The following SPINK5 variants were observed in gnomAD, a reference collection of about 807,000 sequenced individuals.
The protein encoded by SPINK5 is serine peptidase inhibitor Kazal type 5.
In SPINK5, 125 loss-of-function variants were observed where a neutral mutation model predicts 151.8. That is an observed-to-expected ratio of 0.82 (90% CI 0.71 to 0.96). The LOEUF is 0.96. Among genes scored for constraint, SPINK5 ranks in the 40% least tolerant of loss-of-function variants. The pLI, the probability that SPINK5 is intolerant of heterozygous loss-of-function variation, is 0.00. For missense variants in SPINK5, 1,194 were observed against 1,291.9 expected, an observed-to-expected ratio of 0.92 and a Z score of 1.16; for synonymous variants, 374 against 395.3, an observed-to-expected ratio of 0.95 and a Z score of 0.64.
chr5:148,081,988 CT>C (rs1159831043), intron 4 of SPINK5, among the ~76,000 whole-genome samples: 1 of 151,512 alleles, frequency 6.6e-6, no homozygotes, highest in Non-Finnish European at 1.5e-5. Flanking sequence ...ATGTAGTTAT[CT>C]TATACTTTTT....
chr5:148,123,526 T>C lies in SPINK5; in HGVS notation c.2539-307T>C, dbSNP rs1754345182. ...TGCAGTGGTGCAATATATGTGTATA[T>C]ATATATATATATATATATATATATA... On this transcript the variant is annotated intron_variant, in intron 26 of 32. Coordinates refer to ENST00000256084, the MANE Select transcript of SPINK5 (RefSeq NM_006846.4). Among the ~76,000 whole-genome samples, 4 of 26,258 alleles carry C rather than the reference T, an allele frequency of 1.5e-4. 1 individual carries two copies. Among genetic ancestry groups the C allele is most frequent in the African/African-American group, 3.6e-4 (4 of 10,984 alleles). The allele number at this position is 26,258 out of a possible 152,430, so 17.2% of individuals were successfully genotyped here. A position where few individuals can be genotyped will look rare whatever the true frequency, so the allele number is the denominator to read the frequency against.
intron 27 of SPINK5, among the ~76,000 whole-genome samples, chr5:148,124,256 G>A (rs541755590): frequency 6.6e-6 from 1 of 152,262 alleles, no homozygotes; most frequent in South Asian, 2.1e-4. Context: ...AAAAATGACT[G>A]AACAATATAG....
At chr5:148,069,162 T>C (rs1021984476) in intron 2 of SPINK5, among the ~76,000 whole-genome samples, 1 of 151,996 alleles carries the variant, frequency 6.6e-6, no homozygotes, top group Non-Finnish European at 1.5e-5. Flanking sequence ...TTTAAAATCA[T>C]ACTTTACTAG....
intron 32 of SPINK5, among the ~76,000 whole-genome samples, chr5:148,135,140 A>C (rs952312154): frequency 5.9e-5 from 9 of 152,168 alleles, no homozygotes; most frequent in African/African-American, 1.2e-4. Flanking sequence ...GTTCTTTACC[A>C]GGATCCATAA....
intron 4 of SPINK5, among the ~76,000 whole-genome samples, chr5:148,076,647 A>C (rs568034568): frequency 6.6e-6 from 1 of 151,738 alleles, no homozygotes; most frequent in Non-Finnish European, 1.5e-5. Context: ...TGGCAGACAA[A>C]GACTTGAAGC....
At position 148,065,334 on chromosome 5, in the gene SPINK5, A is replaced by G; in HGVS notation, c.56-13A>G. 6.2e-7 allele frequency: 1 copy of G among 1,612,864 alleles called. No homozygotes were observed. The highest frequency in any genetic ancestry group is 1.1e-5 in the South Asian group (1 of 91,050). ...ACATTTCCTTAACTTTGGTTTCTAT[A>G]TTTTCATCCCAGATGCTGCCAGTAA... is the stretch of plus-strand genomic sequence containing the variant. On this transcript the variant is annotated splice_polypyrimidine_tract_variant and intron_variant, in intron 1 of 32. Transcript: ENST00000256084.
rs1305351107 is a variant in SPINK5, at chr5:148,091,225, A to C, written c.663A>C (p.Glu221Asp). 6.2e-7 allele frequency: 1 copy of C among 1,611,190 alleles called. No individual in the cohort carries two copies. Among genetic ancestry groups the C allele is most frequent in the South Asian group, 1.1e-5 (1 of 90,982 alleles). The change falls in exon 8 of 33, where the codon GAA becomes GAC. Residue 221 changes from glutamate to aspartate, a missense_variant. By Grantham distance (45) the Glu-to-Asp change is conservative (BLOSUM62 2). Transcript: ENST00000256084. ...AAACTAGAATTCGACGAAATGCTGA[A>C]AAGGTAAAATGACTCACCAACGCAA... ...EGETRIRRNA[E>D]KDFCKEYEKQ...
chr5:148,087,023 A>G (rs1158440401), intron 5 of SPINK5, among the ~76,000 whole-genome samples: 2 of 151,388 alleles, frequency 1.3e-5, no homozygotes, highest in African/African-American at 4.8e-5. Flanking sequence ...TCTATCTTCT[A>G]TCTATCCATC....
At chr5:148,082,286 T>C (rs943348309) in intron 4 of SPINK5, among the ~76,000 whole-genome samples, 1 of 151,348 alleles carries the variant, frequency 6.6e-6, no homozygotes, top group Non-Finnish European at 1.5e-5. Context: ...TACTTTATTC[T>C]TTAAATTTAA....
intron 21 of SPINK5, 120 bp downstream of exon 21, chr5:148,114,609 TG>T (rs1447090099): frequency 1.5e-5 from 22 of 1,421,232 alleles, no homozygotes; most frequent in Non-Finnish European, 2.1e-5. Flanking sequence ...GAAGGTTATC[TG>T]TAAAGCATTT....
chr5:148,078,263 C>A (rs1752934861), intron 4 of SPINK5, among the ~76,000 whole-genome samples: 1 of 150,722 alleles, frequency 6.6e-6, no homozygotes, highest in African/African-American at 2.4e-5. Context: ...GTATACACAC[C>A]TAATAGAGGC....
chr5:148,100,987 T>A (rs1753626995), intron 13 of SPINK5, among the ~76,000 whole-genome samples: 1 of 152,130 alleles, frequency 6.6e-6, no homozygotes, highest in Admixed American at 6.6e-5. Context: ...ATTCCAAGGA[T>A]GATATCAGTA....
intron 2 of SPINK5, among the ~76,000 whole-genome samples, chr5:148,066,294 TACTC>T (rs1054136122): frequency 3.3e-5 from 5 of 152,228 alleles, no homozygotes; most frequent in East Asian, 1.9e-4. Flanking sequence ...GATGACCAAT[TACTC>T]ACACACACAC....
chr5:148,135,509 C>T (rs1480866521), intron 32 of SPINK5, among the ~76,000 whole-genome samples: 1 of 152,214 alleles, frequency 6.6e-6, no homozygotes, highest in East Asian at 1.9e-4. Context: ...TCTTCCATTT[C>T]TGAGTGTATG....
chr5:148,114,393 A>C lies in SPINK5; in HGVS notation c.1919A>C (p.Gln640Pro), dbSNP rs1754030459. 5.0e-6 allele frequency: 8 copies of C among 1,613,284 alleles called. No individual in the cohort carries two copies. In the Middle Eastern group the frequency reaches 5.0e-4, roughly 100 times the overall value. The change falls in exon 21 of 33, where the codon CAA (glutamine) becomes CCA (proline). Residue 640 changes from glutamine to proline, a missense_variant. Transcript: ENST00000256084. Reference sequence around the variant, plus strand: ...TGCGATGAATTTCGGAGACTTTTGCAAAATGGAAAACTTTTCTGCACAAGA... The same window carrying C: ...TGCGATGAATTTCGGAGACTTTTGCCAAATGGAAAACTTTTCTGCACAAGA... ...ETCDEFRRLL[Q>P]NGKLFCTREN...
intron 2 of SPINK5, among the ~76,000 whole-genome samples, chr5:148,066,793 T>G (rs1752598766): frequency 6.6e-6 from 1 of 152,192 alleles, no homozygotes; most frequent in African/African-American, 2.4e-5. Flanking sequence ...ATACTGTGAA[T>G]TTTACACTGC....
At chr5:148,086,325 T>C (rs1262010303) in intron 4 of SPINK5, 80 bp from the exon 5 acceptor site, 10 of 1,559,368 alleles carry the variant, frequency 6.4e-6, no homozygotes, top group Non-Finnish European at 7.8e-6. Context: ...TATTGTGGGC[T>C]TAAAATGTTA....
At position 148,065,121 on chromosome 5, in the gene SPINK5, T is replaced by A. The variant is rs368220525; in HGVS notation, c.56-226T>A. ...CATGAGTATTATTTTCCAAAGTAAT[T>A]GTAACTTTCTGAGTGATTAGACCTT... On this transcript the variant is annotated intron_variant, in intron 1 of 32. Coordinates refer to ENST00000256084, the MANE Select transcript of SPINK5 (RefSeq NM_006846.4). 4.6e-5 allele frequency among the ~76,000 whole-genome samples: 7 copies of A among 152,264 alleles called. No individual in the cohort carries two copies. In the East Asian group the frequency reaches 1.4e-3, roughly 29 times the overall value.
At chr5:148,067,906 A>G (rs1426939094) in intron 2 of SPINK5, among the ~76,000 whole-genome samples, 2 of 152,196 alleles carry the variant, frequency 1.3e-5, no homozygotes, top group East Asian at 3.9e-4. Flanking sequence ...GAGCCACTGC[A>G]CCTGGCCTGA....
Sources: gnomAD v4.1 joint callset for allele counts (sites outside exome capture counted in the v4.1 genomes callset) on GRCh38, gnomAD v4.1.1 for gene constraint, MANE v1.5 for transcripts, NCBI Gene and HGNC (gene_info 2026-07-23, HGNC 2026-07-21) for gene names.